CORO2B: variants seen among roughly 807,000 people sequenced by gnomAD.
CORO2B encodes coronin 2B, also known as coronin-2B.
In CORO2B, 26 loss-of-function variants were observed where a neutral mutation model predicts 58.8. The ratio of observed to expected loss-of-function variants is 0.44; its 90% CI spans 0.32 to 0.61. CORO2B has a LOEUF of 0.61. Among genes scored for constraint, CORO2B ranks in the 20% least tolerant of loss-of-function variants. The pLI, the probability that CORO2B is intolerant of heterozygous loss-of-function variation, is 0.04. For missense variants in CORO2B, 460 were observed against 645.1 expected (o/e 0.71, Z 3.11); for synonymous variants, 242 against 253.8 (o/e 0.95, Z 0.44).
At chr15:68,635,522 A>G (rs896780139) in intron 1 of CORO2B, among the ~76,000 whole-genome samples, 1 of 152,156 alleles carries the variant, frequency 6.6e-6, no homozygotes, top group Non-Finnish European at 1.5e-5. Flanking sequence ...TACCACCCCC[A>G]GGGCAGGAAG....
At chr15:68,700,128 C>T (rs188225476) in intron 3 of CORO2B, among the ~76,000 whole-genome samples, 235 of 152,292 alleles carry the variant, frequency 1.5e-3, no homozygotes, top group African/African-American at 5.4e-3. Context: ...CATCGGCCAC[C>T]GAGGCCCTCC....
At position 68,645,069 on chromosome 15, in the gene CORO2B, T is replaced by G; in HGVS notation, c.16-91T>G. On this transcript the variant is annotated intron_variant, in intron 1 of 11. Transcript: ENST00000261861. The surrounding 1 kb of genome is among the most constrained non-coding windows in gnomAD (Gnocchi z 4.5). ...AGGGCCTGCTCACCTGCTGCACCTC[T>G]GAGCCGCAGCTTCCCTCCCCCAAGA... is the stretch of plus-strand genomic sequence containing the variant. 7.4e-7 allele frequency: 1 copy of G among 1,353,584 alleles called. No homozygotes were observed. Among genetic ancestry groups the G allele is most frequent in the Admixed American group, 2.1e-5 (1 of 47,568 alleles). 83.8% of individuals were successfully genotyped at this position (1,353,584 alleles called of 1,614,324 possible). A position where few individuals can be genotyped will look rare whatever the true frequency, so the allele number is the denominator to read the frequency against.
chr15:68,611,963 G>T (rs1035487021), intron 1 of CORO2B, among the ~76,000 whole-genome samples: 4 of 152,136 alleles, frequency 2.6e-5, no homozygotes, highest in East Asian at 3.9e-4. Flanking sequence ...TAGAGACTGG[G>T]TCTTGCTATG....
At chr15:68,596,149 C>A (rs1008510621) in intron 1 of CORO2B, among the ~76,000 whole-genome samples, 3 of 151,958 alleles carry the variant, frequency 2.0e-5, no homozygotes, top group Non-Finnish European at 4.4e-5. Context: ...TAAAGAGATG[C>A]GACGAAGTCA....
intron 2 of CORO2B, among the ~76,000 whole-genome samples, chr15:68,664,747 C>T (rs1595998689): frequency 6.6e-6 from 1 of 152,124 alleles, no homozygotes; most frequent in Non-Finnish European, 1.5e-5. Flanking sequence ...AGAGTAGTTT[C>T]AATTAACATT....
chr15:68,709,044 A>C (rs1275060109), intron 3 of CORO2B, among the ~76,000 whole-genome samples: 1 of 152,246 alleles, frequency 6.6e-6, no homozygotes, highest in Admixed American at 6.5e-5. Context: ...TCAATTGACT[A>C]GTATTACATA....
intron 3 of CORO2B, among the ~76,000 whole-genome samples, chr15:68,705,758 A>G (rs537087673): frequency 6.6e-6 from 1 of 152,064 alleles, no homozygotes; most frequent in African/African-American, 2.4e-5. Context: ...CAGAGCTGTC[A>G]CCTCAGCATG....
chr15:68,672,555 A>G (rs143937970), intron 2 of CORO2B, among the ~76,000 whole-genome samples: 3 of 152,334 alleles, frequency 2.0e-5, no homozygotes, highest in African/African-American at 7.2e-5. Flanking sequence ...CTGGGATTAC[A>G]GACGTGAGCC....
chr15:68,662,018 A>T (rs542005465), intron 2 of CORO2B, among the ~76,000 whole-genome samples: 93 of 151,348 alleles, frequency 6.1e-4, no homozygotes, highest in South Asian at 2.3e-3. Flanking sequence ...ATAAATAAAT[A>T]AATAAATAAA....
chr15:68,645,930 C>T lies in CORO2B; in HGVS notation c.216+570C>T, dbSNP rs1417155244. Among the ~76,000 whole-genome samples the T allele has an allele frequency of 3.9e-5, 6 of 152,118 alleles. No homozygotes were observed. Among genetic ancestry groups the T allele is most frequent in the South Asian group, 2.1e-4 (1 of 4,788 alleles). On this transcript the variant is annotated intron_variant, in intron 2 of 11. Transcript: ENST00000261861. This position sits in a 1 kb window ranked among gnomAD's most constrained non-coding sequence, Gnocchi z 4.5. The stretch of plus-strand genomic sequence containing the variant: ...CTGGGATTGCAGGCACGTGCCACCA[C>T]GCCCAGCTAATTTTTGTATTTTCAG...
At chr15:68,686,312 A>C (rs910877640) in intron 2 of CORO2B, among the ~76,000 whole-genome samples, 3 of 152,064 alleles carry the variant, frequency 2.0e-5, no homozygotes, top group Admixed American at 2.0e-4. Context: ...CTGGGATTAC[A>C]GGAGTGAGCC....
At chr15:68,604,729 G>A (rs893552605) in intron 1 of CORO2B, among the ~76,000 whole-genome samples, 1 of 152,072 alleles carries the variant, frequency 6.6e-6, no homozygotes, top group African/African-American at 2.4e-5. Context: ...GGGATTATGG[G>A]TGCGTTTGTT....
chr15:68,654,272 G>A (rs900104390), intron 2 of CORO2B, among the ~76,000 whole-genome samples: 3 of 152,234 alleles, frequency 2.0e-5, no homozygotes, highest in Non-Finnish European at 2.9e-5. Context: ...CTCTGGATTT[G>A]GAGTCCAGGG....
chr15:68,655,250 A>T lies in CORO2B; in HGVS notation c.216+9890A>T, dbSNP rs541993106. Among the ~76,000 whole-genome samples the T allele has an allele frequency of 2.0e-5, 3 of 152,282 alleles. No homozygotes were observed. In the South Asian group the frequency reaches 6.2e-4, roughly 32 times the overall value. Reference sequence around the variant, plus strand: ...ATTAAAAGATCCAGGTTGGTGGGAGAAAACGGTGCTGGAATTGAGACGGAG... The same window carrying T: ...ATTAAAAGATCCAGGTTGGTGGGAGTAAACGGTGCTGGAATTGAGACGGAG... On this transcript the variant is annotated intron_variant, in intron 2 of 11. Transcript: ENST00000261861.
intron 2 of CORO2B, among the ~76,000 whole-genome samples, chr15:68,658,761 C>T (rs574203393): frequency 6.6e-6 from 1 of 152,348 alleles, no homozygotes; most frequent in African/African-American, 2.4e-5. Flanking sequence ...TACCCCAGCT[C>T]AGTGCTGACT....
intron 1 of CORO2B, among the ~76,000 whole-genome samples, chr15:68,602,417 A>T (rs1481437718): frequency 2.7e-5 from 4 of 147,452 alleles, no homozygotes; most frequent in African/African-American, 1.1e-4. Flanking sequence ...TCACACACAC[A>T]CACACACACA....
chr15:68,591,013 G>A (rs1434405210), intron 1 of CORO2B, among the ~76,000 whole-genome samples: 2 of 152,204 alleles, frequency 1.3e-5, no homozygotes, highest in Non-Finnish European at 1.5e-5. Context: ...GGCCCTAAGC[G>A]GCATTGAGGG....
intron 1 of CORO2B, among the ~76,000 whole-genome samples, chr15:68,597,633 A>AT (rs1899871517): frequency 6.6e-6 from 1 of 151,330 alleles, no homozygotes; most frequent in Non-Finnish European, 1.5e-5. Context: ...CCATCAAAAA[A>AT]AAAAAAATAA....
At chr15:68,691,179 A>C (rs1210362444) in intron 2 of CORO2B, among the ~76,000 whole-genome samples, 2 of 150,658 alleles carry the variant, frequency 1.3e-5, no homozygotes, top group South Asian at 2.1e-4. Flanking sequence ...AATACAAAAA[A>C]TTAGCCGGGC....
Sources: allele counts gnomAD v4.1 joint callset (sites outside exome capture counted in the v4.1 genomes callset), GRCh38; gene constraint gnomAD v4.1.1; non-coding constraint Gnocchi (gnomAD v3.1); transcripts MANE v1.5; gene names NCBI Gene and HGNC (gene_info 2026-07-23, HGNC 2026-07-21).